Variants in DLC1 observed in about 807,000 individuals in gnomAD.
DLC1 encodes rho GTPase-activating protein 7.
DLC1 carries 54 observed loss-of-function variants against 140.3 expected under a neutral mutation model. The ratio of observed to expected loss-of-function variants is 0.38; its 90% CI spans 0.31 to 0.48. The LOEUF is 0.48. DLC1 is among the 20% of genes least tolerant of loss of function. The pLI is 0.96. For synonymous variants in DLC1, 986 were observed against 728.1 expected (o/e 1.35, Z -5.70); for missense variants, 2,536 against 1,907.0 (o/e 1.33, Z -6.14).
intron 5 of DLC1, among the ~76,000 whole-genome samples, chr8:13,123,352 G>C (rs60959688): frequency 0.021 from 3,106 of 150,932 alleles, 120 homozygotes; most frequent in African/African-American, 0.071. Context: ...CACCTTTTTG[G>C]TTGTTGACAA....
chr8:13,238,183 G>A (rs1356313221), intron 5 of DLC1, among the ~76,000 whole-genome samples: 1 of 152,104 alleles, frequency 6.6e-6, no homozygotes, highest in Non-Finnish European at 1.5e-5. Context: ...TTGAAGGCAT[G>A]TATTTCATGA....
intron 2 of DLC1, among the ~76,000 whole-genome samples, chr8:13,402,220 C>T (rs533927491): frequency 6.6e-6 from 1 of 152,174 alleles, no homozygotes; most frequent in Admixed American, 6.5e-5. Flanking sequence ...GCTCCCACAA[C>T]AATTTGTATT....
chr8:13,178,807 G>C (rs926387258), intron 5 of DLC1, among the ~76,000 whole-genome samples: 5 of 152,094 alleles, frequency 3.3e-5, no homozygotes, highest in African/African-American at 9.7e-5. Flanking sequence ...GTTGGATGTG[G>C]AGCAAACGAA....
chr8:13,383,613 C>T lies in DLC1; in HGVS notation c.1314+9940G>A, dbSNP rs561085030. On this transcript the variant is annotated intron_variant, in intron 4 of 17. Coordinates refer to ENST00000276297, the MANE Select transcript of DLC1 (RefSeq NM_182643.3). ...CAATAATTCTTTTTATAAACATGCC[C>T]TTGTTTAGACCTTTTCCAACATTGA... Among the ~76,000 whole-genome samples, 12 of 152,248 alleles carry T rather than the reference C, an allele frequency of 7.9e-5. No homozygotes were observed. The East Asian group carries it at 1.9e-3, about 25-fold the overall frequency.
chr8:13,377,903 A>C (rs1245620157), intron 4 of DLC1, among the ~76,000 whole-genome samples: 1 of 151,726 alleles, frequency 6.6e-6, no homozygotes, highest in African/African-American at 2.4e-5. Flanking sequence ...ATTCTGAAAG[A>C]AAAAACAAAA....
intron 4 of DLC1, among the ~76,000 whole-genome samples, chr8:13,323,317 G>A (rs1197976302): frequency 2.0e-5 from 3 of 152,150 alleles, no homozygotes; most frequent in African/African-American, 4.8e-5. Context: ...AACTAAAAGT[G>A]CATCTTATTC....
intron 5 of DLC1, among the ~76,000 whole-genome samples, chr8:13,212,200 T>C (rs909726925): frequency 6.6e-6 from 1 of 152,210 alleles, no homozygotes; most frequent in Non-Finnish European, 1.5e-5. Flanking sequence ...ACAACATACA[T>C]GGCTTTTTAA....
At chr8:13,314,886 T>C (rs1234483912) in intron 4 of DLC1, among the ~76,000 whole-genome samples, 14 of 152,224 alleles carry the variant, frequency 9.2e-5, no homozygotes, top group Non-Finnish European at 2.9e-5. Context: ...AGGGAGATAT[T>C]CATTGTAGTG....
At chr8:13,319,647 T>A (rs73562553) in intron 4 of DLC1, among the ~76,000 whole-genome samples, 11,336 of 152,088 alleles carry the variant, frequency 0.075, 489 homozygotes, top group South Asian at 0.098. Context: ...GTCAGTTTCT[T>A]GAGACCTCGC....
intron 5 of DLC1, among the ~76,000 whole-genome samples, chr8:13,250,575 T>G (rs1357583823): frequency 1.3e-5 from 2 of 152,226 alleles, no homozygotes; most frequent in Non-Finnish European, 2.9e-5. Context: ...CTGAGGATAT[T>G]TTAATAATAC....
At chr8:13,310,403 T>G (rs1383443374) in intron 4 of DLC1, among the ~76,000 whole-genome samples, 1 of 152,188 alleles carries the variant, frequency 6.6e-6, no homozygotes, top group Non-Finnish European at 1.5e-5. Flanking sequence ...CCACAAAAAT[T>G]TGTTCCACAA....
intron 4 of DLC1, among the ~76,000 whole-genome samples, chr8:13,372,906 A>C (rs941807161): frequency 2.6e-5 from 4 of 152,362 alleles, no homozygotes; most frequent in African/African-American, 4.8e-5. Context: ...TTTGAATGCC[A>C]TCAAACACCA....
At chr8:13,297,942 A>C (rs1270483163) in intron 5 of DLC1, among the ~76,000 whole-genome samples, 1 of 152,176 alleles carries the variant, frequency 6.6e-6, no homozygotes, top group Non-Finnish European at 1.5e-5. Flanking sequence ...CAAGAAAATT[A>C]ATACCAAAAT....
At chr8:13,431,965 A>G (rs1350193314) in intron 2 of DLC1, among the ~76,000 whole-genome samples, 3 of 152,250 alleles carry the variant, frequency 2.0e-5, no homozygotes, top group East Asian at 1.9e-4. Flanking sequence ...AGAAATTCAT[A>G]TGTGACATTT....
chr8:13,281,034 A>G (rs1317484077), intron 5 of DLC1, among the ~76,000 whole-genome samples: 2 of 152,212 alleles, frequency 1.3e-5, no homozygotes, highest in African/African-American at 4.8e-5. Flanking sequence ...CCAATAGTCC[A>G]TGACAAGGAG....
intron 2 of DLC1, among the ~76,000 whole-genome samples, chr8:13,453,448 A>ATATATATATGTG (rs1563360125): frequency 3.7e-5 from 1 of 27,102 alleles, no homozygotes; most frequent in Non-Finnish European, 6.4e-5. Context: ...GTATATATAT[A>ATATATATATGTG]CATATATATA....
At chr8:13,486,893 A>G (rs7341590) in intron 2 of DLC1, among the ~76,000 whole-genome samples, 109,352 of 152,074 alleles carry the variant, frequency 0.72, 41,484 homozygotes, top group Middle Eastern at 0.88. Context: ...GCAAATACAT[A>G]GGGTGAGAAA....
At chr8:13,255,954 T>G (rs1185154308) in intron 5 of DLC1, among the ~76,000 whole-genome samples, 1 of 152,182 alleles carries the variant, frequency 6.6e-6, no homozygotes, top group South Asian at 2.1e-4. Flanking sequence ...CAACACAGTA[T>G]AGTAATGAAC....
chr8:13,300,900 C>A (rs917281740), intron 5 of DLC1, among the ~76,000 whole-genome samples: 1 of 152,164 alleles, frequency 6.6e-6, no homozygotes, highest in African/African-American at 2.4e-5. Flanking sequence ...TCAGGGAAAC[C>A]AGTTCTGGAT....
Sources: allele counts gnomAD v4.1 joint callset (sites outside exome capture counted in the v4.1 genomes callset), GRCh38; gene constraint gnomAD v4.1.1; transcripts MANE v1.5; gene names NCBI Gene and HGNC (gene_info 2026-07-23, HGNC 2026-07-21).